NCAM1: variants seen among roughly 807,000 people sequenced by gnomAD.
NCAM1 encodes antigen recognized by monoclonal antibody 5.1H11.
A neutral mutation model predicts 109.8 loss-of-function variants in NCAM1; 14 were observed. That is an observed-to-expected ratio of 0.13 (90% CI 0.08 to 0.20). The LOEUF (loss-of-function observed/expected upper bound fraction) is 0.20, where lower values mean the gene tolerates loss of function less well. Ranked by LOEUF, NCAM1 falls within the 10% of genes least tolerant of loss-of-function variation. NCAM1 has a pLI of 1.00. For synonymous variants in NCAM1, 418 were observed against 442.9 expected, an observed-to-expected ratio of 0.94 and a Z score of 0.70; for missense variants, 774 against 1,109.9, an observed-to-expected ratio of 0.70 and a Z score of 4.30.
intron 1 of NCAM1, among the ~76,000 whole-genome samples, chr11:113,107,915 C>T (rs1350589084): frequency 6.6e-6 from 1 of 152,182 alleles, no homozygotes; most frequent in Non-Finnish European, 1.5e-5. Flanking sequence ...GTTATTAAAC[C>T]TGCATTATCC....
intron 15 of NCAM1, among the ~76,000 whole-genome samples, chr11:113,247,604 C>T (rs1555120544): frequency 2.0e-5 from 3 of 152,182 alleles, no homozygotes; most frequent in Non-Finnish European, 4.4e-5. Context: ...CAATGTAGTC[C>T]CATTTACAGC....
At chr11:113,122,992 G>C (rs1165290621) in intron 1 of NCAM1, among the ~76,000 whole-genome samples, 2 of 152,126 alleles carry the variant, frequency 1.3e-5, no homozygotes, top group Non-Finnish European at 1.5e-5. Context: ...CTCATATGTG[G>C]GAGCTAAAAA....
At position 112,967,129 on chromosome 11, in the gene NCAM1, T is replaced by G. The variant is rs565271759; in HGVS notation, c.52+5465T>G. Among the ~76,000 whole-genome samples the G allele has an allele frequency of 6.6e-5, 10 of 152,330 alleles. No individual in the cohort carries two copies. In the South Asian group the frequency reaches 1.2e-3, roughly 19 times the overall value. On this transcript the variant is annotated intron_variant, in intron 1 of 19. Coordinates refer to ENST00000316851, the MANE Select transcript of NCAM1 (RefSeq NM_181351.5). ...CTCTGAGGACTTTTTGATTTGTAGCTGCAAACATGGGTAACAGCTGATCTT... is the reference window on the plus strand; with the variant it reads ...CTCTGAGGACTTTTTGATTTGTAGCGGCAAACATGGGTAACAGCTGATCTT...
At chr11:113,076,293 C>T (rs1938523391) in intron 1 of NCAM1, among the ~76,000 whole-genome samples, 1 of 152,204 alleles carries the variant, frequency 6.6e-6, no homozygotes, top group Non-Finnish European at 1.5e-5. Context: ...ATTAGTTCTG[C>T]TCCTTGCCAA....
chr11:113,133,063 T>C (rs955204772), intron 1 of NCAM1: 2 of 152,208 alleles, frequency 1.3e-5, no homozygotes, highest in Admixed American at 1.3e-4. Context: ...TGTCCTGCAT[T>C]GTTGAGGGAG....
chr11:113,217,787 G>T (rs1336640370), intron 8 of NCAM1, among the ~76,000 whole-genome samples: 2 of 152,140 alleles, frequency 1.3e-5, no homozygotes, highest in Non-Finnish European at 2.9e-5. Flanking sequence ...GTTTGTTGCA[G>T]CTCAGTGCTT....
chr11:113,038,858 A>G (rs1187124044), intron 1 of NCAM1, among the ~76,000 whole-genome samples: 1 of 152,146 alleles, frequency 6.6e-6, no homozygotes, highest in Non-Finnish European at 1.5e-5. Context: ...TTGCAGTCAC[A>G]CCCTTATGGC....
chr11:113,089,040 C>T (rs930324601), intron 1 of NCAM1, among the ~76,000 whole-genome samples: 5 of 152,136 alleles, frequency 3.3e-5, no homozygotes, highest in Non-Finnish European at 5.9e-5. Flanking sequence ...GGCAGCCGGG[C>T]GCGGTGGCTC....
chr11:112,987,846 A>G (rs1951348301), intron 1 of NCAM1, among the ~76,000 whole-genome samples: 1 of 152,112 alleles, frequency 6.6e-6, no homozygotes, highest in African/African-American at 2.4e-5. Context: ...AATTAATTCA[A>G]CCACTTTATA....
intron 1 of NCAM1, among the ~76,000 whole-genome samples, chr11:113,147,027 T>G (rs1942044299): frequency 6.6e-6 from 1 of 151,172 alleles, no homozygotes; most frequent in African/African-American, 2.4e-5. Context: ...AAGAATGATC[T>G]CAATTGATAA....
rs1447472538 is a variant in NCAM1 at position 113,273,911 on chromosome 11, G to A, written c.2457-1356G>A. 2.9e-5 allele frequency: 5 copies of A among 174,546 alleles called. No homozygotes were observed. Among genetic ancestry groups the A allele is most frequent in the South Asian group, 1.1e-4 (1 of 9,146 alleles). The allele number at this position is 174,546 out of a possible 1,614,324, so 10.8% of individuals were successfully genotyped here. A position where few individuals can be genotyped will look rare whatever the true frequency, so the allele number is the denominator to read the frequency against. On this transcript the variant is annotated intron_variant, in intron 19 of 19. Transcript: ENST00000316851. The surrounding 1 kb of genome is among the most constrained non-coding windows in gnomAD (Gnocchi z 6.0). ...GGGATAAGGCAGAGAGAGCAGGACAGGCAGCTGGGCCCCAGGAGCAGCCGC... is the reference window on the plus strand; with the variant it reads ...GGGATAAGGCAGAGAGAGCAGGACAAGCAGCTGGGCCCCAGGAGCAGCCGC...
intron 1 of NCAM1, among the ~76,000 whole-genome samples, chr11:113,107,172 T>C (rs1338633507): frequency 6.6e-6 from 1 of 152,104 alleles, no homozygotes; most frequent in Non-Finnish European, 1.5e-5. Flanking sequence ...TATGGTGTAG[T>C]TGAGAAAGTT....
chr11:113,093,532 A>G (rs1939456879), intron 1 of NCAM1, among the ~76,000 whole-genome samples: 1 of 151,982 alleles, frequency 6.6e-6, no homozygotes, highest in Admixed American at 6.6e-5. Flanking sequence ...CAACCCCTTT[A>G]AGGTTTATGG....
At chr11:113,082,094 CT>C (rs1172440425) in intron 1 of NCAM1, among the ~76,000 whole-genome samples, 1 of 152,152 alleles carries the variant, frequency 6.6e-6, no homozygotes, top group Non-Finnish European at 1.5e-5. Flanking sequence ...GCAATTGCCT[CT>C]TTTTTTCTAT....
chr11:112,964,147 T>TG (rs1318222591), intron 1 of NCAM1, among the ~76,000 whole-genome samples: 2 of 1,316 alleles, frequency 1.5e-3, no homozygotes, highest in East Asian at 0.023. Context: ...TTTGTTTTTT[T>TG]TTTTTTTGTT....
At chr11:113,180,280 C>T (rs1390403861) in intron 1 of NCAM1, among the ~76,000 whole-genome samples, 7 of 152,178 alleles carry the variant, frequency 4.6e-5, no homozygotes, top group African/African-American at 1.4e-4. Context: ...TATTATCCTG[C>T]TTATTGGATA....
intron 1 of NCAM1, among the ~76,000 whole-genome samples, chr11:112,985,109 A>G (rs1951263771): frequency 1.3e-5 from 2 of 151,812 alleles, no homozygotes; most frequent in African/African-American, 4.8e-5. Flanking sequence ...GTGGATATTT[A>G]TTGAAGAGAC....
intron 7 of NCAM1, among the ~76,000 whole-genome samples, chr11:113,213,254 C>T (rs1944437618): frequency 6.6e-6 from 1 of 152,164 alleles, no homozygotes; most frequent in Admixed American, 6.5e-5. Flanking sequence ...GTTTGTTTCC[C>T]TAGCCTGACC....
chr11:113,005,629 CTG>C (rs1442193341), intron 1 of NCAM1, among the ~76,000 whole-genome samples: 2 of 152,134 alleles, frequency 1.3e-5, no homozygotes, highest in Non-Finnish European at 2.9e-5. Context: ...TTGACACTAG[CTG>C]TGTATCTTCT....
Sources: allele counts gnomAD v4.1 joint callset (sites outside exome capture counted in the v4.1 genomes callset), GRCh38; gene constraint gnomAD v4.1.1; non-coding constraint Gnocchi (gnomAD v3.1); transcripts MANE v1.5; gene names NCBI Gene and HGNC (gene_info 2026-07-23, HGNC 2026-07-21).